SLC35D2: variants seen among roughly 807,000 people sequenced by gnomAD.
SLC35D2 encodes solute carrier family 35 member D2.
A neutral mutation model predicts 41.8 loss-of-function variants in SLC35D2; 43 were observed. That is an observed-to-expected ratio of 1.03 (90% CI 0.81 to 1.33). SLC35D2 has a LOEUF of 1.33. SLC35D2 is among the 40% of genes most tolerant of loss of function. The pLI, the probability that SLC35D2 is intolerant of heterozygous loss-of-function variation, is 0.00. For missense variants in SLC35D2, 380 were observed against 408.4 expected (o/e 0.93, Z 0.60); for synonymous variants, 150 against 163.9 (o/e 0.92, Z 0.65).
intron 11 of SLC35D2, among the ~76,000 whole-genome samples, chr9:96,321,793 G>T (rs1029247231): frequency 6.6e-6 from 1 of 152,148 alleles, no homozygotes; most frequent in Non-Finnish European, 1.5e-5. Flanking sequence ...TCCCAGCCCC[G>T]CAAACTGCCA....
intron 3 of SLC35D2, 122 bp from the exon 4 acceptor site, chr9:96,360,343 G>T (rs1830210668): frequency 1.2e-6 from 1 of 806,380 alleles, no homozygotes; most frequent in Non-Finnish European, 2.0e-6. Flanking sequence ...TTAAAAAAAT[G>T]ATTTTGGCGG....
chr9:96,350,347 CTTTTTTT>C (rs57531044), intron 6 of SLC35D2, among the ~76,000 whole-genome samples: 7 of 91,008 alleles, frequency 7.7e-5, no homozygotes, highest in East Asian at 2.5e-4. Flanking sequence ...ATTTTCTTTC[CTTTTTTT>C]TTTTTTTTTT....
intron 1 of SLC35D2, among the ~76,000 whole-genome samples, chr9:96,373,202 T>A (rs980819065): frequency 1.1e-4 from 16 of 152,082 alleles, no homozygotes; most frequent in African/African-American, 3.9e-4. Context: ...CCCGGCCCAA[T>A]AATTACCTCT....
intron 6 of SLC35D2, among the ~76,000 whole-genome samples, chr9:96,350,283 T>C (rs1829755953): frequency 3.4e-5 from 5 of 148,924 alleles, no homozygotes. Context: ...AGATCCTCTT[T>C]CCCCAGCCTC....
Position 96,353,749 on chromosome 9 carries a change from G to A in SLC35D2, c.348-1640C>T, listed in dbSNP as rs551553218. Among the ~76,000 whole-genome samples the A allele has an allele frequency of 2.6e-5, 4 of 152,314 alleles. No homozygotes were observed. In the South Asian group the frequency reaches 8.3e-4, roughly 32 times the overall value. ...AAACTGCCTTAAAATATATAGTTAAGAACCTTCTACCCACTCCTAACACCC... is the reference window on the plus strand; with the variant it reads ...AAACTGCCTTAAAATATATAGTTAAAAACCTTCTACCCACTCCTAACACCC... On this transcript the variant is annotated intron_variant, in intron 4 of 11. Coordinates refer to ENST00000253270, the MANE Select transcript of SLC35D2 (RefSeq NM_007001.3).
intron 11 of SLC35D2, among the ~76,000 whole-genome samples, chr9:96,315,277 G>T (rs1828023589): frequency 7.1e-6 from 1 of 141,020 alleles, no homozygotes; most frequent in African/African-American, 2.6e-5. Flanking sequence ...GCGCCACCAT[G>T]CCTGGCTAAT....
chr9:96,352,344 CAG>C (rs1829845665), intron 4 of SLC35D2, among the ~76,000 whole-genome samples: 2 of 151,716 alleles, frequency 1.3e-5, no homozygotes, highest in Non-Finnish European at 2.9e-5. Context: ...TTTTTGGAGA[CAG>C]AGTCTCGCTG....
At chr9:96,360,036 A>C in intron 4 of SLC35D2, 118 bp downstream of exon 4, 3 of 589,322 alleles carry the variant, frequency 5.1e-6, no homozygotes, top group Non-Finnish European at 8.8e-6. Context: ...ACTACTAAAT[A>C]TTATTGTCTT....
intron 1 of SLC35D2, among the ~76,000 whole-genome samples, chr9:96,379,218 G>C (rs1250909648): frequency 6.6e-6 from 1 of 151,470 alleles, no homozygotes; most frequent in Non-Finnish European, 1.5e-5. Flanking sequence ...GAGGTGGGAA[G>C]ATCACTTGAG....
At chr9:96,347,363 A>C (rs1029388602) in intron 6 of SLC35D2, among the ~76,000 whole-genome samples, 2 of 152,210 alleles carry the variant, frequency 1.3e-5, no homozygotes, top group Admixed American at 6.5e-5. Flanking sequence ...GGTCACTGTC[A>C]GGCAGCTTAC....
chr9:96,334,374 A>T (rs564158996), intron 9 of SLC35D2, among the ~76,000 whole-genome samples: 1 of 152,230 alleles, frequency 6.6e-6, no homozygotes, highest in Non-Finnish European at 1.5e-5. Flanking sequence ...GTGGCGGCTC[A>T]TGCCTGTAAT....
chr9:96,351,013 C>T, intron 6 of SLC35D2, 90 bp downstream of exon 6: 1 of 960,286 alleles, frequency 1.0e-6, no homozygotes, highest in Non-Finnish European at 1.7e-6. Context: ...TCAACAGCAG[C>T]CAGATGGAAA....
chr9:96,345,685 A>G (rs1017174599), intron 6 of SLC35D2, among the ~76,000 whole-genome samples: 6 of 152,174 alleles, frequency 3.9e-5, no homozygotes, highest in African/African-American at 9.7e-5. Flanking sequence ...AATCCACATA[A>G]TAACTGGTGA....
intron 3 of SLC35D2, among the ~76,000 whole-genome samples, chr9:96,362,837 G>A (rs187948515): frequency 7.3e-4 from 109 of 149,952 alleles, no homozygotes; most frequent in African/African-American, 2.6e-3. Flanking sequence ...CTTCAACCTT[G>A]TATTTTTCTC....
At position 96,324,106 on chromosome 9, in the gene SLC35D2, C is replaced by A; in HGVS notation, c.816G>T (p.Val272=). The A allele has an allele frequency of 6.2e-7, 1 of 1,613,890 alleles. No individual in the cohort carries two copies. Among genetic ancestry groups the A allele is most frequent in the Non-Finnish European group, 8.5e-7 (1 of 1,179,858 alleles). The stretch of plus-strand genomic sequence containing the variant: ...ATCCACTCACCTTGATGGCTCCAAC[C>A]ACTGCTGTCGTCAGGGCTGAATTGT... ...SYYNSALTTA[V]VGAIKNVSVA... Residue 272 remains valine (V), a synonymous_variant, in exon 10 of 12, where the codon GTG becomes GTT. Transcript: ENST00000253270.
At chr9:96,318,982 A>G (rs1828123199), downstream of SLC35D2, among the ~76,000 whole-genome samples, 1 of 152,174 alleles carries the variant, frequency 6.6e-6, no homozygotes, top group African/African-American at 2.4e-5. Flanking sequence ...CTAAAAATAG[A>G]AAGACCACAG....
intron 8 of SLC35D2, among the ~76,000 whole-genome samples, chr9:96,343,228 G>T (rs907860714): frequency 6.6e-6 from 1 of 152,224 alleles, no homozygotes; most frequent in Non-Finnish European, 1.5e-5. Flanking sequence ...GCTCCACTGG[G>T]CCTCAGATCT....
At chr9:96,324,697 C>T (rs1320738092) in intron 9 of SLC35D2, among the ~76,000 whole-genome samples, 1 of 152,030 alleles carries the variant, frequency 6.6e-6, no homozygotes, top group African/African-American at 2.4e-5. Flanking sequence ...GGACTACAGG[C>T]TCATGCCGCC....
downstream of SLC35D2, among the ~76,000 whole-genome samples, chr9:96,318,580 C>T (rs1167930460): frequency 6.6e-6 from 1 of 152,018 alleles, no homozygotes; most frequent in African/African-American, 2.4e-5. Context: ...CTTGAATAGA[C>T]ATTTATTTAA....
Sources: allele counts gnomAD v4.1 joint callset (sites outside exome capture counted in the v4.1 genomes callset), GRCh38; gene constraint gnomAD v4.1.1; transcripts MANE v1.5; gene names NCBI Gene and HGNC (gene_info 2026-07-23, HGNC 2026-07-21).